Variants in CSNK1G2 observed in about 807,000 individuals in gnomAD.
CSNK1G2 encodes the protein casein kinase 1 gamma 2, also known as casein kinase I isoform gamma-2.
CSNK1G2 carries 11 observed loss-of-function variants against 48.0 expected under a neutral mutation model. The ratio of observed to expected loss-of-function variants is 0.23; its 90% CI spans 0.14 to 0.38. The LOEUF is 0.38. CSNK1G2 is among the 10% of genes least tolerant of loss of function. CSNK1G2 has a pLI of 1.00. For synonymous variants in CSNK1G2, 337 were observed against 254.1 expected (o/e 1.33, Z -3.10); for missense variants, 446 against 595.5 (o/e 0.75, Z 2.61).
intron 1 of CSNK1G2, chr19:1,952,522 C>T (rs1408449357): frequency 6.5e-6 from 1 of 152,940 alleles, no homozygotes; most frequent in Non-Finnish European, 1.5e-5. Flanking sequence ...CGGGGTTACA[C>T]CATGTTGTCC....
At position 1,979,522 on chromosome 19, in the gene CSNK1G2, T is replaced by C; in HGVS notation, c.881T>C (p.Val294Ala). 6.3e-7 allele frequency: 1 copy of C among 1,585,970 alleles called. No individual in the cohort carries two copies. Among genetic ancestry groups the C allele is most frequent in the South Asian group, 1.1e-5 (1 of 90,688 alleles). Residue 294 changes from valine (V) to alanine (A), a missense_variant, in exon 9 of 12, where the codon GTG (valine) becomes GCG (alanine). By Grantham distance (64) the Val-to-Ala change is moderately conservative. Transcript: ENST00000255641. ...GAGATGGCCACGTACCTGCGCTATG[T>C]GCGGCGCCTGGACTTCTTCGAGAAG... ...PEEMATYLRY[V>A]RRLDFFEKPD...
At chr19:1,950,387 C>T (rs1490903606) in intron 1 of CSNK1G2, among the ~76,000 whole-genome samples, 1 of 146,988 alleles carries the variant, frequency 6.8e-6, no homozygotes, top group East Asian at 2.1e-4. Context: ...GATCCGCCCT[C>T]CTCGGCCTCC....
chr19:1,946,676 A>G (rs529223854), intron 1 of CSNK1G2, among the ~76,000 whole-genome samples: 13 of 129,674 alleles, frequency 1.0e-4, no homozygotes, highest in East Asian at 2.4e-4. Context: ...GCAGTGGCGC[A>G]ATCTTGGCTC....
intron 1 of CSNK1G2, among the ~76,000 whole-genome samples, chr19:1,965,106 C>G (rs1451887127): frequency 6.7e-6 from 1 of 150,300 alleles, no homozygotes; most frequent in Non-Finnish European, 1.5e-5. Context: ...CGTACACGAT[C>G]AGTTTCCGGC....
At position 1,969,559 on chromosome 19, in the gene CSNK1G2, G is replaced by A. The variant is rs2015494110; in HGVS notation, c.-214G>A. On this transcript the variant is annotated 5_prime_UTR_variant, in exon 2 of 12. Coordinates refer to ENST00000255641, the MANE Select transcript of CSNK1G2 (RefSeq NM_001319.7). Reference sequence around the variant, plus strand: ...GGGATGTGTCAGCAGAATGTCTCCTGCCCCCGAGAGCGACCCCGAGGCCAC... The same window carrying A: ...GGGATGTGTCAGCAGAATGTCTCCTACCCCCGAGAGCGACCCCGAGGCCAC... 1.0e-5 allele frequency: 4 copies of A among 382,948 alleles called. No homozygotes were observed. The highest frequency in any genetic ancestry group is 1.9e-5 in the Non-Finnish European group (4 of 215,832). The allele number at this position is 382,948 out of a possible 1,614,324, so 23.7% of individuals were successfully genotyped here. A position where few individuals can be genotyped will look rare whatever the true frequency, so the allele number is the denominator to read the frequency against.
At position 1,957,588 on chromosome 19, in the gene CSNK1G2, C is replaced by A. The variant is rs1003707684; in HGVS notation, c.-265-11920C>A. 6.6e-6 allele frequency among the ~76,000 whole-genome samples: 1 copy of A among 152,220 alleles called. No homozygotes were observed. The highest frequency in any genetic ancestry group is 2.4e-5 in the African/African-American group (1 of 41,454). On this transcript the variant is annotated intron_variant, in intron 1 of 11. Coordinates refer to ENST00000255641, the MANE Select transcript of CSNK1G2 (RefSeq NM_001319.7). The surrounding 1 kb of genome is among the most constrained non-coding windows in gnomAD (Gnocchi z 5.4). The stretch of plus-strand genomic sequence containing the variant: ...CAGATGCCTTTGCCCCTGCAGGTCC[C>A]CCATGTCCCCTCGCCCGGGGCGCGC...
In CSNK1G2 at chr19:1,943,561, T is replaced by G. The variant is rs529944252; in HGVS notation, c.-266+2143T>G. On this transcript the variant is annotated intron_variant, in intron 1 of 11. Coordinates refer to ENST00000255641, the MANE Select transcript of CSNK1G2 (RefSeq NM_001319.7). ...ATCCCAAGCTTAGGGGAAGCCAGTA[T>G]GCCAGCCATTAATTTGGGGATTGGG... Among the ~76,000 whole-genome samples, 25 of 152,138 alleles carry G rather than the reference T, an allele frequency of 1.6e-4. No individual in the cohort carries two copies. The East Asian group carries it at 4.6e-3, about 28-fold the overall frequency.
At position 1,971,607 on chromosome 19, in the gene CSNK1G2, GCA is replaced by G. The variant is rs569481337; in HGVS notation, c.187+1655_187+1656del. Reference sequence around the variant, plus strand: ...CATACACAGGCACACAGGCTCATCTGCACACACATGCCTGGCACAGCCCCGTG... The same window carrying G: ...CATACACAGGCACACAGGCTCATCTGCACACATGCCTGGCACAGCCCCGTG... On this transcript the variant is annotated intron_variant, in intron 2 of 11. Coordinates refer to ENST00000255641, the MANE Select transcript of CSNK1G2 (RefSeq NM_001319.7). Among the ~76,000 whole-genome samples, 272 of 152,306 alleles carry G rather than the reference GCA, an allele frequency of 1.8e-3. 2 individuals carry two copies. Among genetic ancestry groups the G allele is most frequent in the Admixed American group, 5.1e-3 (78 of 15,298 alleles).
At chr19:1,944,238 G>A (rs2145490710) in intron 1 of CSNK1G2, among the ~76,000 whole-genome samples, 1 of 152,252 alleles carries the variant, frequency 6.6e-6, no homozygotes, top group South Asian at 2.1e-4. Context: ...ATGCTCCGCC[G>A]GCAGCCACAC....
intron 1 of CSNK1G2, among the ~76,000 whole-genome samples, chr19:1,965,916 TCTC>T (rs1412366745): frequency 2.0e-5 from 3 of 151,896 alleles, no homozygotes; most frequent in Non-Finnish European, 4.4e-5. Flanking sequence ...CTCACCTCAG[TCTC>T]CTAAGTAGCT....
At chr19:1,943,327 C>G (rs889453220) in intron 1 of CSNK1G2, among the ~76,000 whole-genome samples, 1 of 152,150 alleles carries the variant, frequency 6.6e-6, no homozygotes, top group Non-Finnish European at 1.5e-5. Flanking sequence ...GAGGGAGCAG[C>G]GCCTCATTGC....
At chr19:1,956,569 C>G (rs373625243) in intron 1 of CSNK1G2, among the ~76,000 whole-genome samples, 255 of 152,324 alleles carry the variant, frequency 1.7e-3, no homozygotes, top group African/African-American at 6.0e-3. Flanking sequence ...GTACTCAGAC[C>G]CGGCAGCTGT....
chr19:1,979,319 G>C lies in CSNK1G2; in HGVS notation c.769G>C (p.Ala257Pro). Residue 257 changes from alanine to proline, a missense_variant and splice_region_variant, in exon 8 of 12, where the codon GCC becomes CCC. By Grantham distance (27) the Ala-to-Pro change is conservative. Transcript: ENST00000255641. Reference sequence around the variant, plus strand: ...CAAGGCTGACCACAGACCCCCGCAGGCCGACACGCTCAAGGAGCGGTACCA... The same window carrying C: ...CAAGGCTGACCACAGACCCCCGCAGCCCGACACGCTCAAGGAGCGGTACCA... ...RGSLPWQGLK[A>P]DTLKERYQKI... is the part of the protein sequence containing the mutation. 6.3e-7 allele frequency: 1 copy of C among 1,599,962 alleles called. No homozygotes were observed. The highest frequency in any genetic ancestry group is 1.7e-5 in the Admixed American group (1 of 58,022).
chr19:1,962,712 C>G, intron 1 of CSNK1G2, among the ~76,000 whole-genome samples: 1 of 152,086 alleles, frequency 6.6e-6, no homozygotes, highest in Non-Finnish European at 1.5e-5. Flanking sequence ...GTGTAGAAGT[C>G]AGACCCCCGG....
In CSNK1G2 at chr19:1,980,451, C is replaced by T. The variant is rs1196789196; in HGVS notation, c.*248C>T. On this transcript the variant is annotated 3_prime_UTR_variant, in exon 12 of 12. Transcript: ENST00000255641. ...TAGTCCTCCCCTCCAAGAGCATTAA[C>T]TATTTAAAACAAGGAAAAGAGGAAA... 7 of 566,262 alleles carry T rather than the reference C, an allele frequency of 1.2e-5. No individual in the cohort carries two copies. Among genetic ancestry groups the T allele is most frequent in the African/African-American group, 3.8e-5 (2 of 52,266 alleles). 35.1% of individuals were successfully genotyped at this position (566,262 alleles called of 1,614,324 possible).
intron 1 of CSNK1G2, among the ~76,000 whole-genome samples, chr19:1,965,786 A>G (rs1449588769): frequency 6.6e-6 from 1 of 151,814 alleles, no homozygotes; most frequent in African/African-American, 2.4e-5. Context: ...GGCCTGAGCC[A>G]CTGTGCCTGG....
chr19:1,972,167 CAG>C (rs555201453), intron 2 of CSNK1G2, among the ~76,000 whole-genome samples: 103 of 152,356 alleles, frequency 6.8e-4, no homozygotes, highest in African/African-American at 2.3e-3. Flanking sequence ...CGTGGTTTCT[CAG>C]GGGTGCCGGG....
At chr19:1,948,566 A>G (rs1450608272) in intron 1 of CSNK1G2, among the ~76,000 whole-genome samples, 2 of 149,892 alleles carry the variant, frequency 1.3e-5, no homozygotes, top group East Asian at 1.9e-4. Context: ...ATCCCGTCAC[A>G]CTGACCCAGC....
At chr19:1,967,862 CT>C (rs1310101422) in intron 1 of CSNK1G2, among the ~76,000 whole-genome samples, 3 of 44,066 alleles carry the variant, frequency 6.8e-5, no homozygotes, top group African/African-American at 2.7e-4. Context: ...TCCCTCCTCC[CT>C]TCTCCCCAGG....
Sources: gnomAD v4.1 joint callset for allele counts (sites outside exome capture counted in the v4.1 genomes callset) on GRCh38, gnomAD v4.1.1 for gene constraint, Gnocchi (gnomAD v3.1) non-coding constraint, MANE v1.5 for transcripts, NCBI Gene and HGNC (gene_info 2026-07-23, HGNC 2026-07-21) for gene names.